AK9: variants seen among roughly 807,000 people sequenced by gnomAD.
AK9 encodes adenylate kinase domain containing 1.
A neutral mutation model predicts 239.6 loss-of-function variants in AK9; 191 were observed. The observed-to-expected ratio is 0.80, with a 90% CI of 0.71 to 0.90. AK9 has a LOEUF of 0.90. Among genes scored for constraint, AK9 ranks in the 40% least tolerant of loss-of-function variants. The probability of loss-of-function intolerance (pLI) is 0.00; values close to 1 mark genes in which losing one functional copy is unlikely to be tolerated. For missense variants in AK9, 1,995 were observed against 2,214.7 expected (o/e 0.90, Z 1.99); for synonymous variants, 689 against 721.0 (o/e 0.96, Z 0.71).
rs1386825323 is a variant in AK9 at position 109,549,231 on chromosome 6, G to A, written c.2964+859C>T. Among the ~76,000 whole-genome samples the A allele has an allele frequency of 2.0e-5, 3 of 152,088 alleles. No individual in the cohort carries two copies. In the East Asian group the frequency reaches 5.8e-4, roughly 29 times the overall value. On this transcript the variant is annotated intron_variant, in intron 25 of 40. Coordinates refer to ENST00000424296, the MANE Select transcript of AK9 (RefSeq NM_001145128.3). ...AACTCACTTCAGGGAATACATTTTT[G>A]CAATCCAACCAACCAGTGTCAGCCC...
At chr6:109,661,525 T>G (rs731878) in intron 6 of AK9, among the ~76,000 whole-genome samples, 13,804 of 152,230 alleles carry the variant, frequency 0.091, 813 homozygotes, top group Middle Eastern at 0.15. Context: ...TTTCCTAGGC[T>G]TAGTTTTTGT....
At chr6:109,513,703 C>T (rs1046773787) in intron 32 of AK9, among the ~76,000 whole-genome samples, 4 of 152,334 alleles carry the variant, frequency 2.6e-5, no homozygotes, top group Admixed American at 6.5e-5. Context: ...CTTTGACCCA[C>T]TTCCTTGTAA....
At chr6:109,549,737 C>A in intron 25 of AK9, 1 of 144,814 alleles carries the variant, frequency 6.9e-6, no homozygotes, top group Non-Finnish European at 1.5e-5. Flanking sequence ...GCGATCTCGA[C>A]TCACTGCAAG....
intron 24 of AK9, among the ~76,000 whole-genome samples, chr6:109,550,938 T>TA (rs372380473): frequency 2.4e-3 from 366 of 152,272 alleles, no homozygotes; most frequent in African/African-American, 8.6e-3. Context: ...TCACAATGTA[T>TA]AAAAAGTGAA....
At chr6:109,562,257 A>G (rs1007804037) in intron 24 of AK9, among the ~76,000 whole-genome samples, 5 of 151,884 alleles carry the variant, frequency 3.3e-5, no homozygotes, top group African/African-American at 1.2e-4. Flanking sequence ...GATAGTTTCT[A>G]TTGCTATTTC....
chr6:109,604,379 T>A (rs1286402455), intron 17 of AK9, among the ~76,000 whole-genome samples: 1 of 152,236 alleles, frequency 6.6e-6, no homozygotes, highest in Non-Finnish European at 1.5e-5. Context: ...CATTTTTACG[T>A]TTAACTATTT....
chr6:109,607,231 G>A (rs9386824), intron 17 of AK9, among the ~76,000 whole-genome samples: 95,301 of 151,970 alleles, frequency 0.63, 30,541 homozygotes, highest in South Asian at 0.84. Flanking sequence ...AATGAGAGAC[G>A]TTGAAGACCT....
At chr6:109,528,987 GA>G (rs552385212) in intron 29 of AK9, 23 bp downstream of exon 29, 77 of 1,498,850 alleles carry the variant, frequency 5.1e-5, no homozygotes, top group Admixed American at 1.9e-4. Context: ...ACCCTGTTTT[GA>G]AAAAAAAAAC....
At chr6:109,669,335 C>G (rs1801733735) in intron 5 of AK9, among the ~76,000 whole-genome samples, 1 of 152,174 alleles carries the variant, frequency 6.6e-6, no homozygotes, top group Non-Finnish European at 1.5e-5. Flanking sequence ...CATCTGCAAA[C>G]AGGGACAATT....
Position 109,530,530 on chromosome 6 carries a change from A to G in AK9, c.3571-1457T>C, listed in dbSNP as rs530489262. Among the ~76,000 whole-genome samples the G allele has an allele frequency of 9.8e-5, 15 of 152,306 alleles. No homozygotes were observed. The South Asian group carries it at 2.7e-3, about 27-fold the overall frequency. ...ATAGTCTCTTTTGTGTTTTCATAAA[A>G]CATAAAGACCACTGTATTACCAAAA... On this transcript the variant is annotated intron_variant, in intron 28 of 40. Coordinates refer to ENST00000424296, the MANE Select transcript of AK9 (RefSeq NM_001145128.3).
chr6:109,650,283 T>C (rs1043937113), intron 8 of AK9, among the ~76,000 whole-genome samples: 4 of 151,566 alleles, frequency 2.6e-5, no homozygotes, highest in African/African-American at 9.7e-5. Flanking sequence ...GAAACTACCA[T>C]CAGAGTGAAC....
chr6:109,616,885 T>C (rs1476910244), intron 13 of AK9, among the ~76,000 whole-genome samples: 4 of 152,182 alleles, frequency 2.6e-5, no homozygotes, highest in African/African-American at 4.8e-5. Flanking sequence ...TCAAATTATA[T>C]GATTAGCTCT....
At chr6:109,667,510 G>A (rs1026359864) in intron 5 of AK9, among the ~76,000 whole-genome samples, 31 of 151,940 alleles carry the variant, frequency 2.0e-4, no homozygotes, top group Admixed American at 2.0e-4. Context: ...CCATTAACTC[G>A]TCATTTACAT....
At chr6:109,646,030 GA>G (rs1462549507) in intron 8 of AK9, among the ~76,000 whole-genome samples, 2 of 152,196 alleles carry the variant, frequency 1.3e-5, no homozygotes, top group African/African-American at 2.4e-5. Context: ...CTAACAAACA[GA>G]AAACAGTAGC....
intron 12 of AK9, among the ~76,000 whole-genome samples, chr6:109,624,005 A>T (rs1260453397): frequency 6.6e-6 from 1 of 151,230 alleles, no homozygotes; most frequent in Non-Finnish European, 1.5e-5. Flanking sequence ...TGGAACAATT[A>T]CTCACAATTA....
At position 109,528,987 on chromosome 6, in the gene AK9, GAAAAAAAAAACAAAACTACT is replaced by G. The variant is rs750259396; in HGVS notation, c.3633+4_3633+23del. 3.3e-5 allele frequency: 50 copies of G among 1,498,948 alleles called. No individual in the cohort carries two copies. The South Asian group carries it at 5.7e-4, about 17-fold the overall frequency. The allele number at this position is 1,498,948 out of a possible 1,614,324, so 92.9% of individuals were successfully genotyped here. A position where few individuals can be genotyped will look rare whatever the true frequency, so the allele number is the denominator to read the frequency against. On this transcript the variant is annotated splice_donor_5th_base_variant and intron_variant, in intron 29 of 40. Coordinates refer to ENST00000424296, the MANE Select transcript of AK9 (RefSeq NM_001145128.3). Reference sequence around the variant, plus strand: ...GGGCAACAGAGTGAGACCCTGTTTTGAAAAAAAAAACAAAACTACTTACCTCCCTCCTTTTTTTATCTCTC... The same window carrying G: ...GGGCAACAGAGTGAGACCCTGTTTTGTACCTCCCTCCTTTTTTTATCTCTC...
intron 35 of AK9, among the ~76,000 whole-genome samples, chr6:109,500,072 C>CAG (rs1777456867): frequency 6.7e-6 from 1 of 149,786 alleles, no homozygotes; most frequent in African/African-American, 2.5e-5. Flanking sequence ...CACACACACA[C>CAG]AATTTATACC....
chr6:109,517,141 C>T (rs1273401703), intron 29 of AK9, among the ~76,000 whole-genome samples: 1 of 152,012 alleles, frequency 6.6e-6, no homozygotes, highest in East Asian at 1.9e-4. Flanking sequence ...TAGGCTATAG[C>T]CCACTGCTTC....
intron 29 of AK9, among the ~76,000 whole-genome samples, chr6:109,525,922 G>A (rs1780451295): frequency 1.3e-5 from 2 of 152,320 alleles, no homozygotes; most frequent in South Asian, 4.1e-4. Context: ...TAAAGAAAAT[G>A]TGGTACATAT....
Sources: allele counts gnomAD v4.1 joint callset (sites outside exome capture counted in the v4.1 genomes callset), GRCh38; gene constraint gnomAD v4.1.1; transcripts MANE v1.5; gene names NCBI Gene and HGNC (gene_info 2026-07-23, HGNC 2026-07-21).